Variants in RPS6KA5 observed in about 807,000 individuals in gnomAD.
RPS6KA5 encodes ribosomal protein S6 kinase A5, also known as ribosomal protein S6 kinase alpha-5.
Under a neutral mutation model 85.5 loss-of-function variants are expected in RPS6KA5, and 27 were observed. That is an observed-to-expected ratio of 0.32 (90% confidence interval 0.23 to 0.44). RPS6KA5 has a LOEUF of 0.44. Ranked by LOEUF, RPS6KA5 falls within the 20% of genes least tolerant of loss-of-function variation. RPS6KA5 has a pLI of 1.00. For missense variants in RPS6KA5, 811 were observed against 980.9 expected (o/e 0.83, Z 2.31); for synonymous variants, 334 against 348.2 (o/e 0.96, Z 0.46).
chr14:90,904,923 G>A (rs1440941581), intron 8 of RPS6KA5, among the ~76,000 whole-genome samples: 1 of 152,134 alleles, frequency 6.6e-6, no homozygotes, highest in Non-Finnish European at 1.5e-5. Flanking sequence ...AAATATGATT[G>A]GGTGTACTTT....
intron 14 of RPS6KA5, among the ~76,000 whole-genome samples, chr14:90,884,231 C>T (rs1236334975): frequency 6.6e-6 from 1 of 152,130 alleles, no homozygotes; most frequent in African/African-American, 2.4e-5. Flanking sequence ...TTTAGGAATA[C>T]GTGCATGGCT....
At chr14:91,039,372 G>A (rs1372550966) in intron 1 of RPS6KA5, among the ~76,000 whole-genome samples, 1 of 152,138 alleles carries the variant, frequency 6.6e-6, no homozygotes. Flanking sequence ...CAGAAGTGAG[G>A]AGGAATTGAG....
chr14:91,004,616 G>A (rs879649111), intron 1 of RPS6KA5, among the ~76,000 whole-genome samples: 7 of 152,082 alleles, frequency 4.6e-5, no homozygotes, highest in Non-Finnish European at 7.4e-5. Context: ...TAAATGAACA[G>A]TTTGATGAAT....
intron 2 of RPS6KA5, among the ~76,000 whole-genome samples, chr14:90,999,601 C>T (rs1309151893): frequency 6.6e-6 from 1 of 152,158 alleles, no homozygotes; most frequent in Non-Finnish European, 1.5e-5. Context: ...GCGGTGGCTG[C>T]AGAGCAACAC....
intron 1 of RPS6KA5, among the ~76,000 whole-genome samples, chr14:91,017,988 A>G (rs1407872303): frequency 6.6e-6 from 1 of 152,140 alleles, no homozygotes; most frequent in East Asian, 1.9e-4. Flanking sequence ...AATACAGGCA[A>G]TCTCCTTTGG....
intron 5 of RPS6KA5, among the ~76,000 whole-genome samples, chr14:90,929,973 TG>T (rs1246130555): frequency 1.3e-5 from 2 of 152,100 alleles, no homozygotes; most frequent in Non-Finnish European, 2.9e-5. Context: ...TGGGTTCAAG[TG>T]AACCTTCTGC....
At chr14:90,926,659 A>AAGTGTG (rs1393706731) in intron 5 of RPS6KA5, among the ~76,000 whole-genome samples, 3 of 120,966 alleles carry the variant, frequency 2.5e-5, no homozygotes, top group African/African-American at 1.1e-4. Context: ...ATATATATAT[A>AAGTGTG]TTTAAGTGTG....
At chr14:90,927,863 T>C (rs2036755218) in intron 5 of RPS6KA5, among the ~76,000 whole-genome samples, 1 of 152,026 alleles carries the variant, frequency 6.6e-6, no homozygotes, top group Non-Finnish European at 1.5e-5. Context: ...TACAAAATCC[T>C]GTATCCATCA....
At chr14:91,005,107 G>A (rs1157412418) in intron 1 of RPS6KA5, among the ~76,000 whole-genome samples, 2 of 152,088 alleles carry the variant, frequency 1.3e-5, no homozygotes, top group Non-Finnish European at 2.9e-5. Context: ...TCTAATTCCA[G>A]TCATTACAGT....
intron 3 of RPS6KA5, among the ~76,000 whole-genome samples, chr14:90,967,287 T>C (rs1268917933): frequency 2.0e-5 from 3 of 152,216 alleles, no homozygotes; most frequent in African/African-American, 7.2e-5. Flanking sequence ...ATGACTAATA[T>C]TCTATAACTG....
At chr14:90,935,699 T>C (rs1595262193) in intron 5 of RPS6KA5, among the ~76,000 whole-genome samples, 1 of 152,342 alleles carries the variant, frequency 6.6e-6, no homozygotes, top group African/African-American at 2.4e-5. Flanking sequence ...CATAAATCCA[T>C]AGGCTTTTCC....
In RPS6KA5 at chr14:90,942,604, A is replaced by C. The variant is rs75302001; in HGVS notation, c.618+474T>G. 2.3e-4 allele frequency among the ~76,000 whole-genome samples: 35 copies of C among 152,308 alleles called. No homozygotes were observed. The East Asian group carries it at 6.6e-3, about 29-fold the overall frequency. ...ATATTTTAATTCATGTTGAGCAAAA[A>C]CCAGCAATATTATTTAAAAATTGGG... On this transcript the variant is annotated intron_variant, in intron 5 of 16. Transcript: ENST00000614987.
At chr14:91,053,021 G>A (rs1196070664) in intron 1 of RPS6KA5, among the ~76,000 whole-genome samples, 2 of 152,032 alleles carry the variant, frequency 1.3e-5, no homozygotes, top group Non-Finnish European at 2.9e-5. Flanking sequence ...TATATACCAT[G>A]ACAAACAAGA....
intron 3 of RPS6KA5, among the ~76,000 whole-genome samples, chr14:90,972,198 C>T (rs1284033310): frequency 6.6e-6 from 1 of 152,142 alleles, no homozygotes; most frequent in African/African-American, 2.4e-5. Context: ...TTTTAATTTA[C>T]AGCAATTCCA....
At chr14:90,960,303 A>T (rs1278159574) in intron 3 of RPS6KA5, among the ~76,000 whole-genome samples, 1 of 152,244 alleles carries the variant, frequency 6.6e-6, no homozygotes, top group Non-Finnish European at 1.5e-5. Context: ...AGTAAAAACA[A>T]CTTAGCCAGG....
In RPS6KA5 at chr14:90,859,784, CCAA is replaced by C. The variant is rs1157836754; in HGVS notation, c.*12287_*12289del. 6.6e-6 allele frequency: 1 copy of C among 152,104 alleles called. No individual in the cohort carries two copies. Among genetic ancestry groups the C allele is most frequent in the African/African-American group, 2.4e-5 (1 of 41,422 alleles). 9.4% of individuals were successfully genotyped at this position (152,104 alleles called of 1,614,324 possible). On this transcript the variant is annotated 3_prime_UTR_variant, in exon 17 of 17. Transcript: ENST00000614987. ...GAATTCTAATAAGGAAGGACATCAA[CCAA>C]CAGATTCAGGAAGTTTACCAATCTT...
intron 3 of RPS6KA5, among the ~76,000 whole-genome samples, chr14:90,964,216 T>C (rs550414855): frequency 6.4e-4 from 97 of 152,356 alleles, no homozygotes; most frequent in African/African-American, 2.1e-3. Context: ...AAGCTGTGTA[T>C]AGCAATCAAG....
At chr14:91,001,188 C>CAA (rs772830312) in intron 1 of RPS6KA5, 29 bp from the exon 2 acceptor site, 1 of 1,408,670 alleles carries the variant, frequency 7.1e-7, no homozygotes, top group South Asian at 1.2e-5. Context: ...AAAAAAAAAA[C>CAA]AAGAGGGTCA....
chr14:90,933,918 C>T (rs2037125171), intron 5 of RPS6KA5, among the ~76,000 whole-genome samples: 1 of 152,194 alleles, frequency 6.6e-6, no homozygotes, highest in Non-Finnish European at 1.5e-5. Context: ...CTAGAAATCT[C>T]CTTCCTGAGA....
Sources: allele counts gnomAD v4.1 joint callset (sites outside exome capture counted in the v4.1 genomes callset), GRCh38; gene constraint gnomAD v4.1.1; transcripts MANE v1.5; gene names NCBI Gene and HGNC (gene_info 2026-07-23, HGNC 2026-07-21).